Variants in MORC2 observed in about 807,000 individuals in gnomAD.
MORC2 encodes MORC family CW-type zinc finger 2, also known as ATPase MORC2.
In MORC2, 30 loss-of-function variants were observed where a neutral mutation model predicts 136.0. The ratio of observed to expected loss-of-function variants is 0.22; its 90% CI spans 0.17 to 0.30. The LOEUF (loss-of-function observed/expected upper bound fraction) is 0.30. Ranked by LOEUF, MORC2 falls within the 10% of genes least tolerant of loss-of-function variation. MORC2 has a pLI of 1.00. For missense variants in MORC2, 922 were observed against 1,333.1 expected, an observed-to-expected ratio of 0.69 and a Z score of 4.80; for synonymous variants, 439 against 487.0, an observed-to-expected ratio of 0.90 and a Z score of 1.30.
At position 30,932,505 on chromosome 22, in the gene MORC2, G is replaced by A. The variant is rs746210102; in HGVS notation, c.2747+40C>T. On this transcript the variant is annotated intron_variant, in intron 23 of 25. Coordinates refer to ENST00000397641, the MANE Select transcript of MORC2 (RefSeq NM_001303256.3). This position sits in a 1 kb window ranked among gnomAD's most constrained non-coding sequence, Gnocchi z 4.4. ...AATGGCATGGAGCAGGCAGAGAGCT[G>A]CTGCTGGCCCTGGGGTGGGAAGACA... The A allele has an allele frequency of 1.4e-5, 22 of 1,612,254 alleles. No individual in the cohort carries two copies. The Admixed American group carries it at 3.3e-4, about 24-fold the overall frequency.
At chr22:30,946,253 G>T in intron 6 of MORC2, 88 bp downstream of exon 6, 1 of 973,272 alleles carries the variant, frequency 1.0e-6, no homozygotes. Context: ...ACCCCAAAGA[G>T]TCTAGCATTG....
At position 30,967,839 on chromosome 22, in the gene MORC2, T is replaced by C. The variant is rs1002524412; in HGVS notation, c.51A>G (p.Glu17=). 59 of 1,551,074 alleles carry C rather than the reference T, an allele frequency of 3.8e-5. No individual in the cohort carries two copies. The highest frequency in any genetic ancestry group is 4.9e-5 in the Non-Finnish European group (56 of 1,147,104). Residue 17 remains glutamate (E), a synonymous_variant, in exon 1 of 26, where the codon GAA becomes GAG. Coordinates refer to ENST00000397641, the MANE Select transcript of MORC2 (RefSeq NM_001303256.3). Reference sequence around the variant, plus strand: ...ATACTTACGAATTTGTGTGCAGATATTCAAAGGTTAGCTGAGCTCGATTCA... The same window carrying C: ...ATACTTACGAATTTGTGTGCAGATACTCAAAGGTTAGCTGAGCTCGATTCA... ...SSLNRAQLTF[E]YLHTNSTTHE...
rs1602484869 is a variant in MORC2 at position 30,937,470 on chromosome 22, G to A, written c.1498+113C>T. 1.4e-6 allele frequency: 2 copies of A among 1,465,814 alleles called. No homozygotes were observed. Among genetic ancestry groups the A allele is most frequent in the East Asian group, 4.5e-5 (2 of 44,108 alleles). 90.8% of individuals were successfully genotyped at this position (1,465,814 alleles called of 1,614,324 possible). The stretch of plus-strand genomic sequence containing the variant: ...ATCGTCAAACAGACTTGGATCCCTA[G>A]GGGACTGTAAGTCCATGAATGTCAG... On this transcript the variant is annotated intron_variant, in intron 15 of 25. Transcript: ENST00000397641. This position sits in a 1 kb window ranked among gnomAD's most constrained non-coding sequence, Gnocchi z 4.7.
intron 20 of MORC2, 103 bp downstream of exon 20, chr22:30,933,957 C>A: frequency 7.0e-7 from 1 of 1,437,566 alleles, no homozygotes; most frequent in Non-Finnish European, 9.6e-7. Flanking sequence ...GTTGTGTAGA[C>A]TGCTGGTGGA....
Position 30,946,567 on chromosome 22 carries a change from C to T in MORC2, c.318-118G>A, listed in dbSNP as rs2040818726. The T allele has an allele frequency of 3.8e-6, 3 of 788,126 alleles. No individual in the cohort carries two copies. The East Asian group carries it at 7.9e-5, about 21-fold the overall frequency. The allele number at this position is 788,126 out of a possible 1,614,324, so 48.8% of individuals were successfully genotyped here. A position where few individuals can be genotyped will look rare whatever the true frequency, so the allele number is the denominator to read the frequency against. On this transcript the variant is annotated intron_variant, in intron 5 of 25. Transcript: ENST00000397641. ...CCACTGGAGGGCTCTCCTAAAGGCCCCCCCAGGTCCCAGGACTGTGTGCTG... is the reference window on the plus strand; with the variant it reads ...CCACTGGAGGGCTCTCCTAAAGGCCTCCCCAGGTCCCAGGACTGTGTGCTG...
intron 16 of MORC2, 121 bp from the exon 17 acceptor site, chr22:30,936,764 C>T: frequency 7.2e-7 from 1 of 1,384,302 alleles, no homozygotes; most frequent in Non-Finnish European, 9.9e-7. Context: ...GTTCCCAATG[C>T]ACAGAATTAA....
intron 17 of MORC2, 50 bp downstream of exon 17, chr22:30,936,461 G>A (rs1369031816): frequency 1.2e-6 from 2 of 1,606,934 alleles, no homozygotes; most frequent in East Asian, 2.2e-5. Flanking sequence ...CCTGTCACAG[G>A]CAGAGCCCTG....
At chr22:30,967,582 A>G (rs1184912652) in intron 1 of MORC2, 2 of 1,333,558 alleles carry the variant, frequency 1.5e-6, no homozygotes, top group Non-Finnish European at 1.9e-6. Context: ...TCAAATAACT[A>G]AAGTTTGCAT....
chr22:30,933,418 C>G, intron 21 of MORC2, 48 bp downstream of exon 21: 1 of 1,600,170 alleles, frequency 6.2e-7, no homozygotes. Context: ...CACTTCCACT[C>G]CCACTCCCAC....
chr22:30,965,991 C>A (rs1314686888), intron 1 of MORC2, among the ~76,000 whole-genome samples: 3 of 152,210 alleles, frequency 2.0e-5, no homozygotes, highest in African/African-American at 7.2e-5. Context: ...CACTTGGCAG[C>A]TATATAGCCA....
chr22:30,965,559 G>T (rs1378040956), intron 1 of MORC2, among the ~76,000 whole-genome samples: 2 of 152,178 alleles, frequency 1.3e-5, no homozygotes, highest in African/African-American at 4.8e-5. Flanking sequence ...TTCTAAGGTC[G>T]AATTTGTGAT....
intron 5 of MORC2, among the ~76,000 whole-genome samples, chr22:30,946,947 C>A (rs536739559): frequency 6.6e-6 from 1 of 152,310 alleles, no homozygotes; most frequent in Non-Finnish European, 1.5e-5. Context: ...TCAGCTGACA[C>A]AAACTCCCCT....
At chr22:30,944,279 T>C (rs1055856495) in intron 6 of MORC2, among the ~76,000 whole-genome samples, 4 of 152,180 alleles carry the variant, frequency 2.6e-5, no homozygotes, top group African/African-American at 9.7e-5. Context: ...TCTATAAACC[T>C]GTACCTCACT....
chr22:30,937,103 C>A lies in MORC2; in HGVS notation c.1499-66G>T, dbSNP rs969156589. ...CCAACTCTATCTGTAATCCGGGTTC[C>A]TCACAGGCCCACCACAATGATGCCC... On this transcript the variant is annotated intron_variant, in intron 15 of 25. Coordinates refer to ENST00000397641, the MANE Select transcript of MORC2 (RefSeq NM_001303256.3). This position sits in a 1 kb window ranked among gnomAD's most constrained non-coding sequence, Gnocchi z 4.7. The A allele has an allele frequency of 1.7e-6, 2 of 1,164,176 alleles. No homozygotes were observed. Among genetic ancestry groups the A allele is most frequent in the South Asian group, 1.3e-5 (1 of 78,566 alleles). 72.1% of individuals were successfully genotyped at this position (1,164,176 alleles called of 1,614,324 possible). A position where few individuals can be genotyped will look rare whatever the true frequency, so the allele number is the denominator to read the frequency against.
intron 4 of MORC2, 98 bp downstream of exon 4, chr22:30,950,279 T>C (rs572066328): frequency 8.0e-6 from 10 of 1,254,486 alleles, no homozygotes; most frequent in African/African-American, 1.5e-5. Context: ...AGACATAACA[T>C]TGGAGGCAAC....
rs1199805194 is a variant in MORC2 at position 30,934,397 on chromosome 22, CA to C, written c.2194-207del. On this transcript the variant is annotated intron_variant, in intron 19 of 25. Transcript: ENST00000397641. The surrounding 1 kb of genome is among the most constrained non-coding windows in gnomAD (Gnocchi z 4.4). ...CAAAGCTATCATAGGAGAAGCTTCT[CA>C]ATTCCCTTCCCACCTTAGTCTACCT... is the stretch of plus-strand genomic sequence containing the variant. 6.6e-6 allele frequency among the ~76,000 whole-genome samples: 1 copy of C among 152,176 alleles called. No homozygotes were observed. The highest frequency in any genetic ancestry group is 1.9e-4 in the East Asian group (1 of 5,188).
chr22:30,940,951 C>A, intron 9 of MORC2, 114 bp from the exon 10 acceptor site: 1 of 885,568 alleles, frequency 1.1e-6, no homozygotes, highest in Non-Finnish European at 1.9e-6. Context: ...CTGTCCTGGC[C>A]CCTCATGATG....
Position 30,968,068 on chromosome 22 carries a change from T to C in MORC2, c.-179A>G. ...CAGAGATGTTTAAAACTACAATTTC[T>C]TCAAGTGTTTTTTTTTAATCTTCTC... On this transcript the variant is annotated 5_prime_UTR_variant, in exon 1 of 26. Transcript: ENST00000397641. 1.8e-6 allele frequency: 1 copy of C among 558,606 alleles called. No homozygotes were observed. Among genetic ancestry groups the C allele is most frequent in the Non-Finnish European group, 3.2e-6 (1 of 313,712 alleles). 34.6% of individuals were successfully genotyped at this position (558,606 alleles called of 1,614,324 possible).
intron 5 of MORC2, among the ~76,000 whole-genome samples, chr22:30,948,473 A>G (rs2040848368): frequency 6.6e-6 from 1 of 152,236 alleles, no homozygotes; most frequent in Non-Finnish European, 1.5e-5. Context: ...GGAAACATCA[A>G]AGGAGGAGAA....
Sources: gnomAD v4.1 joint callset for allele counts (sites outside exome capture counted in the v4.1 genomes callset) on GRCh38, gnomAD v4.1.1 for gene constraint, Gnocchi (gnomAD v3.1) non-coding constraint, MANE v1.5 for transcripts, NCBI Gene and HGNC (gene_info 2026-07-23, HGNC 2026-07-21) for gene names.